The following MICALL1 variants were observed in gnomAD, a reference collection of about 807,000 sequenced individuals.
The protein encoded by MICALL1 is MICAL-like protein 1.
MICALL1 carries 61 observed loss-of-function variants against 83.7 expected under a neutral mutation model. That is an observed-to-expected ratio of 0.73 (90% confidence interval 0.59 to 0.90). MICALL1 has a LOEUF of 0.90. MICALL1 is among the 40% of genes least tolerant of loss of function. MICALL1 has a pLI of 0.00. For missense variants in MICALL1, 1,066 were observed against 1,152.0 expected (o/e 0.93, Z 1.08); for synonymous variants, 481 against 473.6 (o/e 1.02, Z -0.20).
intron 13 of MICALL1, among the ~76,000 whole-genome samples, chr22:37,936,733 A>G (rs1930143327): frequency 6.6e-6 from 1 of 152,164 alleles, no homozygotes; most frequent in Non-Finnish European, 1.5e-5. Flanking sequence ...TCTACTAAAA[A>G]TATAAAAAAT....
intron 15 of MICALL1, among the ~76,000 whole-genome samples, chr22:37,939,022 C>G (rs1275996550): frequency 6.6e-6 from 1 of 152,174 alleles, no homozygotes; most frequent in Non-Finnish European, 1.5e-5. Flanking sequence ...TCCCAAAATG[C>G]TGGGATTACA....
chr22:37,932,519 G>A lies in MICALL1; in HGVS notation c.2017-34G>A. 1 of 1,610,488 alleles carries A rather than the reference G, an allele frequency of 6.2e-7. No homozygotes were observed. The highest frequency in any genetic ancestry group is 8.5e-7 in the Non-Finnish European group (1 of 1,177,536). ...GGGCAAGGCTCCTGGCAGCAACCAGGCAGGCCGTCAGGTGACCAGGCACTG... is the reference window on the plus strand; with the variant it reads ...GGGCAAGGCTCCTGGCAGCAACCAGACAGGCCGTCAGGTGACCAGGCACTG... On this transcript the variant is annotated intron_variant, in intron 10 of 15. Transcript: ENST00000215957. The surrounding 1 kb of genome is among the most constrained non-coding windows in gnomAD (Gnocchi z 4.4).
chr22:37,930,152 G>T lies in MICALL1; in HGVS notation c.1882-1647G>T, dbSNP rs1929710967. Among the ~76,000 whole-genome samples, 1 of 152,210 alleles carries T rather than the reference G, an allele frequency of 6.6e-6. No individual in the cohort carries two copies. Among genetic ancestry groups the T allele is most frequent in the Non-Finnish European group, 1.5e-5 (1 of 68,026 alleles). ...GTGAATATTGGTCTGAAGTTTTGGGGCTGAGAAAAGGCTGAAAACCTTTGA... is the reference window on the plus strand; with the variant it reads ...GTGAATATTGGTCTGAAGTTTTGGGTCTGAGAAAAGGCTGAAAACCTTTGA... On this transcript the variant is annotated intron_variant, in intron 9 of 15. Transcript: ENST00000215957. The surrounding 1 kb of genome is among the most constrained non-coding windows in gnomAD (Gnocchi z 4.8).
Position 37,932,896 on chromosome 22 carries a change from C to T in MICALL1, c.2234+8C>T. On this transcript the variant is annotated splice_region_variant and intron_variant, in intron 12 of 15. Coordinates refer to ENST00000215957, the MANE Select transcript of MICALL1 (RefSeq NM_033386.4). This position sits in a 1 kb window ranked among gnomAD's most constrained non-coding sequence, Gnocchi z 4.4. ...GTCCGAGCTCATCTATGTGTGAGTC[C>T]CCCCGCCTGGGGCATCCCTCCCTGG... 4 of 1,613,952 alleles carry T rather than the reference C, an allele frequency of 2.5e-6. No individual in the cohort carries two copies. Among genetic ancestry groups the T allele is most frequent in the Non-Finnish European group, 2.5e-6 (3 of 1,179,894 alleles).
intron 8 of MICALL1, among the ~76,000 whole-genome samples, chr22:37,926,289 G>T (rs1929433476): frequency 6.6e-6 from 1 of 152,220 alleles, no homozygotes. Context: ...AGCAGGAGAG[G>T]CAGGATTTGA....
intron 1 of MICALL1, among the ~76,000 whole-genome samples, chr22:37,908,346 G>A (rs993033402): frequency 6.6e-6 from 1 of 151,184 alleles, no homozygotes; most frequent in African/African-American, 2.4e-5. Context: ...TGTCACCCAG[G>A]CTGGAGTGCA....
rs780361581 is a variant in MICALL1 at position 37,927,508 on chromosome 22, G to A, written c.1563G>A (p.Gln521=). 6.2e-7 allele frequency: 1 copy of A among 1,612,886 alleles called. No homozygotes were observed. The highest frequency in any genetic ancestry group is 1.3e-5 in the African/African-American group (1 of 75,054). ...GCCTGTCGTCTGAGAGCGCCAGCCA[G>A]ACTGCAGGTGCAGAGCTTCTGGAGC... The part of the protein sequence containing the change: ...VESLSSESAS[Q]TAGAELLEPP... The change falls in exon 9 of 16, where the codon CAG becomes CAA. Residue 521 remains glutamine (Q), a synonymous_variant. Transcript: ENST00000215957.
rs1317203582 is a variant in MICALL1, at chr22:37,925,784, G to A, written c.1206G>A (p.Val402=). 2.5e-6 allele frequency: 4 copies of A among 1,613,356 alleles called. No individual in the cohort carries two copies. The highest frequency in any genetic ancestry group is 1.7e-5 in the Admixed American group (1 of 59,990). The change falls in exon 8 of 16, where the codon GTG becomes GTA. Residue 402 remains valine (V), a synonymous_variant. Coordinates refer to ENST00000215957, the MANE Select transcript of MICALL1 (RefSeq NM_033386.4). ...PGPPSQDSRQ[V]ENGGTEEVAQ... Reference sequence around the variant, plus strand: ...CACCAAGCCAGGACAGCAGGCAGGTGGAGAATGGAGGCACCGAGGAGGTGG... The same window carrying A: ...CACCAAGCCAGGACAGCAGGCAGGTAGAGAATGGAGGCACCGAGGAGGTGG...
intron 6 of MICALL1, among the ~76,000 whole-genome samples, chr22:37,923,657 T>C (rs1929238065): frequency 6.6e-6 from 1 of 152,210 alleles, no homozygotes; most frequent in South Asian, 2.1e-4. Flanking sequence ...TCCCTCTGCA[T>C]GCGCTCTTTT....
At chr22:37,909,422 G>C (rs1569133809) in intron 1 of MICALL1, among the ~76,000 whole-genome samples, 1 of 149,408 alleles carries the variant, frequency 6.7e-6, no homozygotes, top group African/African-American at 2.5e-5. Context: ...GCAGTGGCAT[G>C]ATCTCTGCTC....
At chr22:37,909,210 G>T (rs1041548659) in intron 1 of MICALL1, among the ~76,000 whole-genome samples, 2 of 152,046 alleles carry the variant, frequency 1.3e-5, no homozygotes, top group Non-Finnish European at 2.9e-5. Flanking sequence ...GCACCACCAT[G>T]CCTGGCTAAT....
At position 37,932,608 on chromosome 22, in the gene MICALL1, T is replaced by A. The variant is rs374260704; in HGVS notation, c.2072T>A (p.Ile691Asn). 1 of 1,614,146 alleles carries A rather than the reference T, an allele frequency of 6.2e-7. No individual in the cohort carries two copies. Among genetic ancestry groups the A allele is most frequent in the East Asian group, 2.2e-5 (1 of 44,880 alleles). Reference protein sequence around the residue: ...EEDIHGEMDTIERRLDALEHR... With the variant: ...EEDIHGEMDTNERRLDALEHR... The stretch of plus-strand genomic sequence containing the variant: ...GACATCCATGGAGAGATGGATACCA[T>A]TGAGCGCCGGCTGGATGCCCTGGAG... The change falls in exon 11 of 16, where the codon ATT becomes AAT. Residue 691 changes from isoleucine to asparagine, a missense_variant. Transcript: ENST00000215957. The surrounding 1 kb of genome is among the most constrained non-coding windows in gnomAD (Gnocchi z 4.4).
chr22:37,930,341 C>CCA lies in MICALL1; in HGVS notation c.1882-1457_1882-1456insAC, dbSNP rs1174298847. 6.6e-6 allele frequency among the ~76,000 whole-genome samples: 1 copy of CCA among 152,110 alleles called. No individual in the cohort carries two copies. Among genetic ancestry groups the CCA allele is most frequent in the Non-Finnish European group, 1.5e-5 (1 of 68,010 alleles). On this transcript the variant is annotated intron_variant, in intron 9 of 15. Transcript: ENST00000215957. The surrounding 1 kb of genome is among the most constrained non-coding windows in gnomAD (Gnocchi z 4.8). ...GGCAGTGGGGGCCTTGGGGTGCCAC[C>CCA]CTGGGTCATTGGGTGGGTGCTGCCC...
At chr22:37,921,532 C>T (rs1297746169) in intron 5 of MICALL1, among the ~76,000 whole-genome samples, 1 of 152,162 alleles carries the variant, frequency 6.6e-6, no homozygotes, top group Non-Finnish European at 1.5e-5. Context: ...AAGGTCGCAC[C>T]ATTGCACTCC....
At chr22:37,934,885 T>A (rs912483153) in intron 13 of MICALL1, among the ~76,000 whole-genome samples, 25 of 144,762 alleles carry the variant, frequency 1.7e-4, no homozygotes, top group Non-Finnish European at 3.8e-4. Context: ...CATGAGCCAC[T>A]GCGCCTGGCT....
intron 9 of MICALL1, among the ~76,000 whole-genome samples, chr22:37,928,846 G>A (rs1306267662): frequency 6.6e-6 from 1 of 152,156 alleles, no homozygotes; most frequent in African/African-American, 2.4e-5. Flanking sequence ...TATCCTGGCT[G>A]GGCGTGGTGG....
intron 9 of MICALL1, among the ~76,000 whole-genome samples, chr22:37,929,756 G>A (rs1401817028): frequency 6.6e-6 from 1 of 152,218 alleles, no homozygotes; most frequent in Non-Finnish European, 1.5e-5. Context: ...CAGCCACAGC[G>A]CCTTTGGATG....
intron 4 of MICALL1, among the ~76,000 whole-genome samples, chr22:37,918,083 C>A (rs1215638344): frequency 6.6e-6 from 1 of 152,182 alleles, no homozygotes; most frequent in Admixed American, 6.5e-5. Flanking sequence ...GGAGAGAGGG[C>A]AGTCCACAAT....
rs1929284609 is a variant in MICALL1 at position 37,924,370 on chromosome 22, A to G, written c.1025-290A>G. 6.6e-6 allele frequency among the ~76,000 whole-genome samples: 1 copy of G among 152,176 alleles called. No individual in the cohort carries two copies. The highest frequency in any genetic ancestry group is 2.1e-4 in the South Asian group (1 of 4,832). ...GGACTTCCAGGAGGAGGTGGCTCCC[A>G]GGCTGACTTGAGATGATGTTTTCTG... On this transcript the variant is annotated intron_variant, in intron 6 of 15. Transcript: ENST00000215957. The surrounding 1 kb of genome is among the most constrained non-coding windows in gnomAD (Gnocchi z 5.2).
Sources: gnomAD v4.1 joint callset for allele counts (sites outside exome capture counted in the v4.1 genomes callset) on GRCh38, gnomAD v4.1.1 for gene constraint, Gnocchi (gnomAD v3.1) non-coding constraint, MANE v1.5 for transcripts, NCBI Gene and HGNC (gene_info 2026-07-23, HGNC 2026-07-21) for gene names.